Variants in PEX5L observed in about 807,000 individuals in gnomAD.
PEX5L encodes the protein PEX5-related protein.
PEX5L carries 30 observed loss-of-function variants against 84.0 expected under a neutral mutation model. That is an observed-to-expected ratio of 0.36 (90% CI 0.27 to 0.48). PEX5L has a LOEUF of 0.48. Among genes scored for constraint, PEX5L ranks in the 20% least tolerant of loss-of-function variants. The pLI is 0.99. For synonymous variants in PEX5L, 270 were observed against 283.1 expected, an observed-to-expected ratio of 0.95 and a Z score of 0.46; for missense variants, 533 against 754.6, an observed-to-expected ratio of 0.71 and a Z score of 3.44.
intron 6 of PEX5L, among the ~76,000 whole-genome samples, chr3:179,874,760 T>TTTTC (rs1751757267): frequency 8.7e-6 from 1 of 114,492 alleles, no homozygotes; most frequent in Non-Finnish European, 1.8e-5. Context: ...TTTTTTTTTT[T>TTTTC]TTGGTAGGGG....
At chr3:179,844,969 C>T (rs1329630651) in intron 8 of PEX5L, among the ~76,000 whole-genome samples, 1 of 152,214 alleles carries the variant, frequency 6.6e-6, no homozygotes. Context: ...GTTTAACTCA[C>T]CCAGATTGGT....
At position 179,801,639 on chromosome 3, in the gene PEX5L, A is replaced by G. The variant is rs1303860328; in HGVS notation, c.*189T>C. On this transcript the variant is annotated 3_prime_UTR_variant, in exon 15 of 15. Transcript: ENST00000467460. The stretch of plus-strand genomic sequence containing the variant: ...TTTGAGCCTGACTTTGACTCTATAT[A>G]CAACATTTTGTGCTTTTGGATCTGA... 3 of 589,050 alleles carry G rather than the reference A, an allele frequency of 5.1e-6. No individual in the cohort carries two copies. The highest frequency in any genetic ancestry group is 9.0e-6 in the Non-Finnish European group (3 of 331,820). 36.5% of individuals were successfully genotyped at this position (589,050 alleles called of 1,614,324 possible). A position where few individuals can be genotyped will look rare whatever the true frequency, so the allele number is the denominator to read the frequency against.
At chr3:180,004,606 G>C (rs1328465161) in intron 1 of PEX5L, among the ~76,000 whole-genome samples, 1 of 152,022 alleles carries the variant, frequency 6.6e-6, no homozygotes, top group Non-Finnish European at 1.5e-5. Flanking sequence ...GTTTTGTTTT[G>C]TTTTTTGCCG....
chr3:179,973,175 A>C, intron 1 of PEX5L: 1 of 1,288,956 alleles, frequency 7.8e-7, no homozygotes, highest in Non-Finnish European at 1.0e-6. Flanking sequence ...GCTCATTTGC[A>C]TGACCCGGTT....
intron 2 of PEX5L, among the ~76,000 whole-genome samples, chr3:179,968,346 C>A (rs1473216758): frequency 6.6e-6 from 1 of 152,112 alleles, no homozygotes; most frequent in Non-Finnish European, 1.5e-5. Flanking sequence ...TGACTATCTA[C>A]TCCCACACTT....
At chr3:179,867,991 G>A (rs1405299067) in intron 7 of PEX5L, among the ~76,000 whole-genome samples, 1 of 150,738 alleles carries the variant, frequency 6.6e-6, no homozygotes, top group Non-Finnish European at 1.5e-5. Flanking sequence ...GAGGTGGTCT[G>A]TAGTTAAGAA....
chr3:180,011,789 C>T (rs1157045472), intron 1 of PEX5L, among the ~76,000 whole-genome samples: 1 of 152,062 alleles, frequency 6.6e-6, no homozygotes, highest in Admixed American at 6.5e-5. Flanking sequence ...CCTTTTTATC[C>T]TTTTCAAAGA....
intron 2 of PEX5L, among the ~76,000 whole-genome samples, chr3:179,942,674 G>A (rs1339093534): frequency 1.3e-5 from 2 of 152,210 alleles, no homozygotes; most frequent in Non-Finnish European, 2.9e-5. Flanking sequence ...ACAGTGGACT[G>A]GGACAGAGTT....
chr3:179,934,054 C>T (rs572373112), intron 2 of PEX5L, among the ~76,000 whole-genome samples: 12 of 152,298 alleles, frequency 7.9e-5, no homozygotes, highest in East Asian at 3.9e-4. Flanking sequence ...GCAGATCTGC[C>T]GAATTTGGCT....
chr3:179,930,468 C>G (rs1170087867), intron 2 of PEX5L, among the ~76,000 whole-genome samples: 1 of 152,158 alleles, frequency 6.6e-6, no homozygotes, highest in East Asian at 1.9e-4. Flanking sequence ...ATGAAACTGG[C>G]CAATGGTGTC....
rs1717981109 is a variant in PEX5L, at chr3:179,798,809, AG to A, written c.*3018del. On this transcript the variant is annotated 3_prime_UTR_variant, in exon 15 of 15. Coordinates refer to ENST00000467460, the MANE Select transcript of PEX5L (RefSeq NM_016559.3). ...CAAAAATTGTTCTGCCAAAAAATAA[AG>A]TAGATGCACTTCTAAGAAACAAAAC... 6.6e-6 allele frequency: 1 copy of A among 152,238 alleles called. No homozygotes were observed. Among genetic ancestry groups the A allele is most frequent in the Non-Finnish European group, 1.5e-5 (1 of 68,028 alleles). 9.4% of individuals were successfully genotyped at this position (152,238 alleles called of 1,614,324 possible).
chr3:179,887,024 G>A (rs2108845958), intron 4 of PEX5L, among the ~76,000 whole-genome samples: 1 of 152,350 alleles, frequency 6.6e-6, no homozygotes, highest in Admixed American at 6.5e-5. Context: ...TACAAGGGAA[G>A]TGTAATTTAT....
chr3:180,010,100 C>T (rs550599221), intron 1 of PEX5L, among the ~76,000 whole-genome samples: 19 of 152,070 alleles, frequency 1.2e-4, no homozygotes, highest in African/African-American at 3.6e-4. Context: ...CCCGCCACCA[C>T]GTCTGGCTAC....
chr3:179,993,667 T>A (rs1446657472), intron 1 of PEX5L, among the ~76,000 whole-genome samples: 2 of 151,598 alleles, frequency 1.3e-5, no homozygotes, highest in Non-Finnish European at 2.9e-5. Flanking sequence ...ACCCGGCTAA[T>A]TTTTTTTGTA....
At chr3:179,933,774 C>A (rs1261394635) in intron 2 of PEX5L, among the ~76,000 whole-genome samples, 2 of 152,220 alleles carry the variant, frequency 1.3e-5, no homozygotes, top group Non-Finnish European at 2.9e-5. Context: ...AAGCATCAGG[C>A]TCACCTGAAG....
intron 1 of PEX5L, chr3:179,974,096 A>G: frequency 1.0e-6 from 1 of 985,590 alleles, no homozygotes; most frequent in Non-Finnish European, 1.2e-6. Flanking sequence ...CCAGGCAGGG[A>G]TCTTCAGCTC....
intron 1 of PEX5L, among the ~76,000 whole-genome samples, chr3:180,029,294 G>T (rs912671568): frequency 2.6e-5 from 4 of 152,104 alleles, no homozygotes; most frequent in Non-Finnish European, 4.4e-5. Context: ...CTCCCAAAGT[G>T]CTGGGATTAG....
rs560901433 is a variant in PEX5L, at chr3:180,004,835, A to T, written c.21+31744T>A. Among the ~76,000 whole-genome samples, 3 of 152,082 alleles carry T rather than the reference A, an allele frequency of 2.0e-5. No homozygotes were observed. In the South Asian group the frequency reaches 6.2e-4, roughly 32 times the overall value. On this transcript the variant is annotated intron_variant, in intron 1 of 14. Transcript: ENST00000467460. Reference sequence around the variant, plus strand: ...TCTAGTTGCCTTCACCAACTGTTTAATCTGAATCATGCTATAAGAATTTGA... The same window carrying T: ...TCTAGTTGCCTTCACCAACTGTTTATTCTGAATCATGCTATAAGAATTTGA...
chr3:179,804,111 A>G (rs1720202303), intron 14 of PEX5L: 1 of 151,304 alleles, frequency 6.6e-6, no homozygotes, highest in South Asian at 2.1e-4. Flanking sequence ...GTGTGTGGTA[A>G]TGGTTTCAGA....
Sources: gnomAD v4.1 joint callset for allele counts (sites outside exome capture counted in the v4.1 genomes callset) on GRCh38, gnomAD v4.1.1 for gene constraint, MANE v1.5 for transcripts, NCBI Gene and HGNC (gene_info 2026-07-23, HGNC 2026-07-21) for gene names.